NDUFS4: variants seen among roughly 807,000 people sequenced by gnomAD.
NDUFS4 encodes NADH dehydrogenase [ubiquinone] iron-sulfur protein 4, mitochondrial.
NDUFS4 carries 28 observed loss-of-function variants against 24.3 expected under a neutral mutation model. That is an observed-to-expected ratio of 1.15 (90% CI 0.85 to 1.58). The LOEUF (loss-of-function observed/expected upper bound fraction) is 1.58, where lower values mean the gene tolerates loss of function less well. Among genes scored for constraint, NDUFS4 ranks in the 40% most tolerant of loss-of-function variants. The pLI, the probability that NDUFS4 is intolerant of heterozygous loss-of-function variation, is 0.00. For missense variants in NDUFS4, 223 were observed against 207.9 expected, an observed-to-expected ratio of 1.07 and a Z score of -0.45; for synonymous variants, 93 against 69.7, an observed-to-expected ratio of 1.34 and a Z score of -1.67.
intron 2 of NDUFS4, among the ~76,000 whole-genome samples, chr5:53,636,264 G>A (rs1751548684): frequency 6.6e-6 from 1 of 152,150 alleles, no homozygotes; most frequent in Non-Finnish European, 1.5e-5. Flanking sequence ...ATGTCACAAA[G>A]GTTGTCTACA....
At chr5:53,618,398 C>G (rs528135218) in intron 2 of NDUFS4, among the ~76,000 whole-genome samples, 1 of 152,200 alleles carries the variant, frequency 6.6e-6, no homozygotes, top group South Asian at 2.1e-4. Context: ...AATTATTATT[C>G]TTAATCAGTT....
At chr5:53,633,880 ATT>A (rs1309744513) in intron 2 of NDUFS4, among the ~76,000 whole-genome samples, 1 of 152,176 alleles carries the variant, frequency 6.6e-6, no homozygotes, top group African/African-American at 2.4e-5. Flanking sequence ...CTCACTTCAC[ATT>A]TACAAAACTG....
intron 1 of NDUFS4, among the ~76,000 whole-genome samples, chr5:53,561,937 A>C (rs1406840883): frequency 1.3e-5 from 2 of 152,194 alleles, no homozygotes; most frequent in African/African-American, 2.4e-5. Context: ...AAGGGTGCTA[A>C]GATTGGGGAA....
At chr5:53,635,286 G>A (rs1751516758) in intron 2 of NDUFS4, among the ~76,000 whole-genome samples, 1 of 150,928 alleles carries the variant, frequency 6.6e-6, no homozygotes, top group Admixed American at 6.6e-5. Flanking sequence ...TCAGCAGGCT[G>A]AGGCGGGTGG....
intron 2 of NDUFS4, among the ~76,000 whole-genome samples, chr5:53,618,172 T>C (rs1750912392): frequency 6.6e-6 from 1 of 152,074 alleles, no homozygotes; most frequent in Non-Finnish European, 1.5e-5. Flanking sequence ...CCTGGGAGAC[T>C]GAGGCAGGAG....
chr5:53,636,122 A>T (rs1002893375), intron 2 of NDUFS4, among the ~76,000 whole-genome samples: 2 of 152,212 alleles, frequency 1.3e-5, no homozygotes, highest in African/African-American at 2.4e-5. Context: ...GGTTTCAAGC[A>T]GTCCTCCCAC....
chr5:53,605,822 G>C (rs913808402), intron 2 of NDUFS4, among the ~76,000 whole-genome samples: 75 of 152,130 alleles, frequency 4.9e-4, no homozygotes, highest in African/African-American at 1.7e-3. Context: ...AGACCATCCT[G>C]GCTAACATGG....
At chr5:53,645,428 C>T (rs777632114) in intron 2 of NDUFS4, among the ~76,000 whole-genome samples, 46 of 152,266 alleles carry the variant, frequency 3.0e-4, no homozygotes, top group South Asian at 1.5e-3. Flanking sequence ...CTCTGAATTA[C>T]TTTACTAATT....
intron 2 of NDUFS4, among the ~76,000 whole-genome samples, chr5:53,617,398 A>G (rs1750874235): frequency 1.3e-5 from 2 of 151,802 alleles, no homozygotes; most frequent in Admixed American, 1.3e-4. Context: ...CTTTCTGGCT[A>G]CATGTGTTTT....
At chr5:53,679,558 C>T (rs1740585546) in intron 4 of NDUFS4, among the ~76,000 whole-genome samples, 1 of 152,040 alleles carries the variant, frequency 6.6e-6, no homozygotes, top group Non-Finnish European at 1.5e-5. Flanking sequence ...TTGCAGTGAC[C>T]CTGACCACAT....
intron 1 of NDUFS4, among the ~76,000 whole-genome samples, chr5:53,571,801 C>T (rs1749218394): frequency 6.6e-6 from 1 of 152,146 alleles, no homozygotes; most frequent in Admixed American, 6.5e-5. Context: ...TTTTAATATG[C>T]ATTTCTCTAA....
chr5:53,586,260 T>G (rs944721101), intron 1 of NDUFS4, among the ~76,000 whole-genome samples: 2 of 143,938 alleles, frequency 1.4e-5, no homozygotes, highest in African/African-American at 2.6e-5. Context: ...ACCTGGGAGA[T>G]GGAAGTTGCA....
chr5:53,590,094 C>T (rs576931550), intron 1 of NDUFS4, among the ~76,000 whole-genome samples: 3 of 152,228 alleles, frequency 2.0e-5, no homozygotes, highest in Non-Finnish European at 2.9e-5. Flanking sequence ...TAGAGAATTA[C>T]GCATGATTGA....
Position 53,560,703 on chromosome 5 carries a change from TGTGGCGGAGAAGGGCA to T in NDUFS4, c.47_62del (p.Arg16LeufsTer2). ...ATGTCAGTGGTACTGAGGCAGACGT[TGTGGCGGAGAAGGGCA>T]GTGGCTGTAGCTGCCCTTTCCGTTT... On this transcript the variant is annotated frameshift_variant, in exon 1 of 5. Coordinates refer to ENST00000296684, the MANE Select transcript of NDUFS4 (RefSeq NM_002495.4). LOFTEE classifies it high-confidence loss of function. 1 of 1,614,230 alleles carries T rather than the reference TGTGGCGGAGAAGGGCA, an allele frequency of 6.2e-7. No individual in the cohort carries two copies. The highest frequency in any genetic ancestry group is 1.1e-5 in the South Asian group (1 of 91,080).
intron 1 of NDUFS4, among the ~76,000 whole-genome samples, chr5:53,582,338 C>A (rs1749596780): frequency 6.6e-6 from 1 of 152,066 alleles, no homozygotes; most frequent in African/African-American, 2.4e-5. Flanking sequence ...AGTTCAGGGT[C>A]AAGAGTGGCC....
chr5:53,656,878 T>C (rs566146781), intron 3 of NDUFS4, among the ~76,000 whole-genome samples: 1 of 152,124 alleles, frequency 6.6e-6, no homozygotes, highest in Admixed American at 6.5e-5. Flanking sequence ...AAACTGGTGG[T>C]GACAGCATAC....
At chr5:53,562,225 G>A (rs1047433363) in intron 1 of NDUFS4, among the ~76,000 whole-genome samples, 1 of 151,980 alleles carries the variant, frequency 6.6e-6, no homozygotes, top group African/African-American at 2.4e-5. Context: ...GCTGGGTTAA[G>A]TATTTTTCTA....
At chr5:53,655,214 C>T (rs888133256) in intron 3 of NDUFS4, among the ~76,000 whole-genome samples, 8 of 152,052 alleles carry the variant, frequency 5.3e-5, no homozygotes, top group African/African-American at 7.2e-5. Flanking sequence ...TTTTTACAAC[C>T]GGAACACACA....
chr5:53,646,457 A>G, intron 3 of NDUFS4, 52 bp downstream of exon 3: 2 of 1,569,254 alleles, frequency 1.3e-6, no homozygotes, highest in South Asian at 1.1e-5. Context: ...TTCTATGTAG[A>G]TCTTTCTTCT....
Sources: gnomAD v4.1 joint callset for allele counts (sites outside exome capture counted in the v4.1 genomes callset) on GRCh38, gnomAD v4.1.1 for gene constraint, MANE v1.5 for transcripts, NCBI Gene and HGNC (gene_info 2026-07-23, HGNC 2026-07-21) for gene names.